The following OR5B12 variants were observed in gnomAD, a reference collection of about 807,000 sequenced individuals.
OR5B12 encodes olfactory receptor 5B12.
For synonymous variants in OR5B12, 154 were observed against 138.0 expected, an observed-to-expected ratio of 1.12 and a Z score of -0.81; for missense variants, 418 against 377.0, an observed-to-expected ratio of 1.11 and a Z score of -0.90.
rs1355912604 is a variant in OR5B12, at chr11:58,442,151, CTG to C, written c.-127_-126del. On this transcript the variant is annotated 5_prime_UTR_variant, in exon 1 of 2. Coordinates refer to ENST00000641921, the MANE Select transcript of OR5B12 (RefSeq NM_001004733.3). ...AAGAAGGAAAACAACTTTTTGGAGA[CTG>C]TTCTTTAGCGTTTGGCCAAAAGGCT... is the stretch of plus-strand genomic sequence containing the variant. 1 of 152,164 alleles carries C rather than the reference CTG, an allele frequency of 6.6e-6. No individual in the cohort carries two copies. The highest frequency in any genetic ancestry group is 1.5e-5 in the Non-Finnish European group (1 of 68,022). The allele number at this position is 152,164 out of a possible 1,614,324, so 9.4% of individuals were successfully genotyped here.
chr11:58,439,763 T>A lies in OR5B12; in HGVS notation c.389A>T (p.Tyr130Phe), dbSNP rs368593714. Residue 130 changes from tyrosine to phenylalanine, a missense_variant, in exon 2 of 2, where the codon TAC becomes TTC. Tyr to Phe is a conservative substitution (Grantham distance 22). Coordinates refer to ENST00000641921, the MANE Select transcript of OR5B12 (RefSeq NM_001004733.3). The part of the protein sequence containing the change: ...RYAALCKPLH[Y>F]TTTMTTNVCA... ...TACATTTGTTGTCATGGTGGTGGTG[T>A]AATGCAGGGGTTTACACAATGCTGC... 1.9e-5 allele frequency: 31 copies of A among 1,613,286 alleles called. No individual in the cohort carries two copies. Among genetic ancestry groups the A allele is most frequent in the Non-Finnish European group, 2.6e-5 (31 of 1,179,166 alleles).
At chr11:58,441,509 G>C (rs1482827637) in intron 1 of OR5B12, among the ~76,000 whole-genome samples, 1 of 152,078 alleles carries the variant, frequency 6.6e-6, no homozygotes, top group African/African-American at 2.4e-5. Flanking sequence ...AGGCCTTCTT[G>C]TGCTTTTTCT....
chr11:58,440,620 C>T (rs1855490639), intron 1 of OR5B12, among the ~76,000 whole-genome samples: 1 of 152,176 alleles, frequency 6.6e-6, no homozygotes, highest in Non-Finnish European at 1.5e-5. Context: ...TTAAATCTAT[C>T]ATTGTAAGTC....
Position 58,439,265 on chromosome 11 carries a change from T to C in OR5B12, c.887A>G (p.Lys296Arg), listed in dbSNP as rs1565160579. 2 of 1,613,882 alleles carry C rather than the reference T, an allele frequency of 1.2e-6. No homozygotes were observed. Among genetic ancestry groups the C allele is most frequent in the East Asian group, 4.5e-5 (2 of 44,874 alleles). ...CCCTACAGTCTTTTTAAAGGCACTCTTAACCTCTTTGTTCCTCAGGCTGTA... is the reference window on the plus strand; with the variant it reads ...CCCTACAGTCTTTTTAAAGGCACTCCTAACCTCTTTGTTCCTCAGGCTGTA... ...LVYSLRNKEV[K>R]SAFKKTVGKA... The change falls in exon 2 of 2, where the codon AAG (lysine) becomes AGG (arginine). Residue 296 changes from lysine to arginine, a missense_variant. Physicochemically the swap from Lys to Arg is conservative, Grantham distance 26. Transcript: ENST00000641921.
At position 58,439,952 on chromosome 11, in the gene OR5B12, A is replaced by T. The variant is rs1380399436; in HGVS notation, c.200T>A (p.Val67Glu). The change falls in exon 2 of 2, where the codon GTG (valine) becomes GAG (glutamate). Residue 67 changes from valine (V) to glutamate (E), a missense_variant. Transcript: ENST00000641921. ...GACAGCTGAGGAATAACCAAAGTCC[A>T]CCAGGGAGAGGTTACTGAGGAAGAA... ...MYFFLSNLSL[V>E]DFGYSSAVTP... 3 of 1,614,136 alleles carry T rather than the reference A, an allele frequency of 1.9e-6. No homozygotes were observed. Among genetic ancestry groups the T allele is most frequent in the South Asian group, 1.1e-5 (1 of 91,084 alleles).
At chr11:58,441,311 T>G (rs557624865) in intron 1 of OR5B12, among the ~76,000 whole-genome samples, 5 of 152,148 alleles carry the variant, frequency 3.3e-5, no homozygotes, top group African/African-American at 7.2e-5. Flanking sequence ...TCTCTCTTTT[T>G]AAAAAAATAT....
At position 58,439,133 on chromosome 11, in the gene OR5B12, G is replaced by T. The variant is rs1855467354; in HGVS notation, c.*74C>A. 1.3e-6 allele frequency: 1 copy of T among 763,528 alleles called. No homozygotes were observed. The highest frequency in any genetic ancestry group is 2.1e-6 in the Non-Finnish European group (1 of 479,246). The allele number at this position is 763,528 out of a possible 1,614,324, so 47.3% of individuals were successfully genotyped here. Reference sequence around the variant, plus strand: ...GTCAATAGAAACTGTCCATGAGGAAGCCCAAATATTGGGCTTGGTAGACAA... The same window carrying T: ...GTCAATAGAAACTGTCCATGAGGAATCCCAAATATTGGGCTTGGTAGACAA... On this transcript the variant is annotated 3_prime_UTR_variant, in exon 2 of 2. Transcript: ENST00000641921.
rs1855480356 is a variant in OR5B12, at chr11:58,439,803, C to T, written c.349G>A (p.Ala117Thr). 1.2e-6 allele frequency: 2 copies of T among 1,613,872 alleles called. No individual in the cohort carries two copies. Among genetic ancestry groups the T allele is most frequent in the South Asian group, 2.2e-5 (2 of 91,060 alleles). Reference sequence around the variant, plus strand: ...CACAATGCTGCATAGCGGTCATAGGCCATTGATGCCAGGAGGAAACTTTCT... The same window carrying T: ...CACAATGCTGCATAGCGGTCATAGGTCATTGATGCCAGGAGGAAACTTTCT... ...TAESFLLASM[A>T]YDRYAALCKP... The change falls in exon 2 of 2, where the codon GCC (alanine) becomes ACC (threonine). Residue 117 changes from alanine (A) to threonine (T), a missense_variant. By Grantham distance (58) the Ala-to-Thr change is moderately conservative (BLOSUM62 0). Coordinates refer to ENST00000641921, the MANE Select transcript of OR5B12 (RefSeq NM_001004733.3).
In OR5B12 at chr11:58,439,298, G is replaced by A. The variant is rs777112187; in HGVS notation, c.854C>T (p.Pro285Leu). ...TTTGTTCCTCAGGCTGTAGACCAGTGGATTCAACATGGGAATGACTATGGC... is the reference window on the plus strand; with the variant it reads ...TTTGTTCCTCAGGCTGTAGACCAGTAGATTCAACATGGGAATGACTATGGC... ...FYAIVIPMLN[P>L]LVYSLRNKEV... Residue 285 changes from proline (P) to leucine (L), a missense_variant, in exon 2 of 2, where the codon CCA becomes CTA. Transcript: ENST00000641921. The A allele has an allele frequency of 1.7e-5, 28 of 1,613,838 alleles. No individual in the cohort carries two copies. Among genetic ancestry groups the A allele is most frequent in the South Asian group, 1.2e-4 (11 of 91,064 alleles).
Position 58,439,859 on chromosome 11 carries a change from T to A in OR5B12, c.293A>T (p.Gln98Leu), listed in dbSNP as rs760206212. Residue 98 changes from glutamine (Q) to leucine (L), a missense_variant, in exon 2 of 2, where the codon CAA becomes CTA. Physicochemically the swap from Gln to Leu is moderately radical, Grantham distance 113. Transcript: ENST00000641921. The stretch of plus-strand genomic sequence containing the variant: ...GATAAAGGCTACAAAGAAGAAGAAT[T>A]GTGTGGCACAAGCATTATATAATAT... ...KFILYNACAT[Q>L]FFFFVAFITA... 2.5e-6 allele frequency: 4 copies of A among 1,614,102 alleles called. No homozygotes were observed. The highest frequency in any genetic ancestry group is 3.4e-6 in the Non-Finnish European group (4 of 1,180,026).
chr11:58,438,997 T>C lies in OR5B12; in HGVS notation c.*210A>G, dbSNP rs1842590098. The stretch of plus-strand genomic sequence containing the variant: ...AGCCTAGATGGGAGGAGAGATCTGA[T>C]TTTTAGAATATGCTATTTTTTATTA... On this transcript the variant is annotated 3_prime_UTR_variant, in exon 2 of 2. Coordinates refer to ENST00000641921, the MANE Select transcript of OR5B12 (RefSeq NM_001004733.3). 8.8e-6 allele frequency: 3 copies of C among 342,230 alleles called. No homozygotes were observed. The Admixed American group carries it at 1.3e-4, about 15-fold the overall frequency. The allele number at this position is 342,230 out of a possible 1,614,324, so 21.2% of individuals were successfully genotyped here.
At chr11:58,440,623 T>C (rs983141882) in intron 1 of OR5B12, among the ~76,000 whole-genome samples, 1 of 152,228 alleles carries the variant, frequency 6.6e-6, no homozygotes, top group Non-Finnish European at 1.5e-5. Flanking sequence ...AATCTATCAT[T>C]GTAAGTCAAT....
rs1565161078 is a variant in OR5B12 at position 58,440,088 on chromosome 11, G to A, written c.64C>T (p.Gln22Ter). 6.2e-7 allele frequency: 1 copy of A among 1,613,804 alleles called. No homozygotes were observed. Among genetic ancestry groups the A allele is most frequent in the African/African-American group, 1.3e-5 (1 of 74,920 alleles). Residue 22 changes from glutamine to a stop codon, truncating the protein, a stop_gained, in exon 2 of 2, where the codon CAG (glutamine) becomes TAG (stop). Transcript: ENST00000641921. LOFTEE classifies it low-confidence loss of function (END_TRUNC). ...AGGAAGACTATGAAGAGTGGGATCT[G>A]CAGTTCTGGGTCATCAGTTAACCCC... The part of the protein sequence containing the change: ...LVGLTDDPEL[Q>*]IPLFIVFLFI...
chr11:58,441,312 A>G (rs572991987), intron 1 of OR5B12, among the ~76,000 whole-genome samples: 17 of 152,202 alleles, frequency 1.1e-4, no homozygotes, highest in Non-Finnish European at 1.6e-4. Context: ...CTCTCTTTTT[A>G]AAAAAATATT....
intron 1 of OR5B12, among the ~76,000 whole-genome samples, chr11:58,440,624 G>T (rs909802437): frequency 2.0e-5 from 3 of 152,140 alleles, no homozygotes; most frequent in Non-Finnish European, 4.4e-5. Context: ...ATCTATCATT[G>T]TAAGTCAATG....
Sources: allele counts gnomAD v4.1 joint callset (sites outside exome capture counted in the v4.1 genomes callset), GRCh38; gene constraint gnomAD v4.1.1; transcripts MANE v1.5; gene names NCBI Gene and HGNC (gene_info 2026-07-23, HGNC 2026-07-21).